TMEM154: variants seen among roughly 807,000 people sequenced by gnomAD.
The protein encoded by TMEM154 is transmembrane protein 154.
Under a neutral mutation model 24.5 loss-of-function variants are expected in TMEM154, and 27 were observed. The ratio of observed to expected loss-of-function variants is 1.10; its 90% CI spans 0.81 to 1.52. The LOEUF (loss-of-function observed/expected upper bound fraction) is 1.52, where lower values mean the gene tolerates loss of function less well. TMEM154 is among the 40% of genes most tolerant of loss of function. The pLI, the probability that TMEM154 is intolerant of heterozygous loss-of-function variation, is 0.00. For missense variants in TMEM154, 228 were observed against 213.4 expected (o/e 1.07, Z -0.43); for synonymous variants, 67 against 76.8 (o/e 0.87, Z 0.67).
intron 4 of TMEM154, among the ~76,000 whole-genome samples, chr4:152,644,161 G>T (rs1222368727): frequency 1.3e-5 from 2 of 152,180 alleles, no homozygotes; most frequent in African/African-American, 2.4e-5. Context: ...TAGCAGTCAG[G>T]ATTCTTTTCT....
At chr4:152,673,368 T>C (rs749420849) in intron 1 of TMEM154, among the ~76,000 whole-genome samples, 3 of 152,162 alleles carry the variant, frequency 2.0e-5, no homozygotes, top group Non-Finnish European at 4.4e-5. Flanking sequence ...TGGCACAATC[T>C]CAGCTCACTG....
At chr4:152,653,004 A>T in intron 1 of TMEM154, 77 bp from the exon 2 acceptor site, 1 of 1,381,828 alleles carries the variant, frequency 7.2e-7, no homozygotes, top group Non-Finnish European at 9.7e-7. Flanking sequence ...TTTTTAAATT[A>T]TTCCTAGATA....
At chr4:152,667,743 T>C (rs1219262235) in intron 1 of TMEM154, among the ~76,000 whole-genome samples, 1 of 152,242 alleles carries the variant, frequency 6.6e-6, no homozygotes, top group Non-Finnish European at 1.5e-5. Flanking sequence ...CTGTGTTTTG[T>C]ACACTTTTTC....
chr4:152,662,596 C>T (rs1728633786), intron 1 of TMEM154, among the ~76,000 whole-genome samples: 1 of 115,040 alleles, frequency 8.7e-6, no homozygotes, highest in East Asian at 2.2e-4. Flanking sequence ...CGGAGGGCAG[C>T]TCAAGGGATT....
At chr4:152,654,190 G>A (rs112156711) in intron 1 of TMEM154, among the ~76,000 whole-genome samples, 6 of 152,274 alleles carry the variant, frequency 3.9e-5, no homozygotes, top group African/African-American at 9.6e-5. Context: ...TCCTAATATC[G>A]TATAATGTTG....
intron 5 of TMEM154, among the ~76,000 whole-genome samples, chr4:152,641,661 CTTTTT>C (rs5863014): frequency 3.9e-5 from 5 of 126,932 alleles, no homozygotes; most frequent in African/African-American, 1.5e-4. Flanking sequence ...TTTCTTCTAC[CTTTTT>C]TTTTTTTTTT....
chr4:152,649,155 C>T (rs1297182417), intron 3 of TMEM154, among the ~76,000 whole-genome samples: 1 of 152,226 alleles, frequency 6.6e-6, no homozygotes, highest in African/African-American at 2.4e-5. Flanking sequence ...AAGGGCATGG[C>T]CCCAAAGCCA....
At chr4:152,642,514 A>G (rs959265360) in intron 5 of TMEM154, among the ~76,000 whole-genome samples, 2 of 152,242 alleles carry the variant, frequency 1.3e-5, no homozygotes, top group Non-Finnish European at 2.9e-5. Flanking sequence ...TATATGGGGT[A>G]TGTATATCAC....
chr4:152,637,444 C>T (rs953183871), intron 6 of TMEM154, among the ~76,000 whole-genome samples: 2 of 152,082 alleles, frequency 1.3e-5, no homozygotes, highest in Non-Finnish European at 1.5e-5. Flanking sequence ...ACTTGGGAGG[C>T]TGAGGCAGGA....
intron 5 of TMEM154, 94 bp from the exon 6 acceptor site, chr4:152,641,079 C>A: frequency 2.4e-6 from 3 of 1,236,594 alleles, no homozygotes; most frequent in Non-Finnish European, 3.4e-6. Context: ...GTTCTCTGAT[C>A]TGCGTGGTTA....
chr4:152,646,761 G>T (rs980815580), intron 3 of TMEM154: 13 of 580,078 alleles, frequency 2.2e-5, no homozygotes, highest in Non-Finnish European at 3.7e-5. Flanking sequence ...GGGGTTGTCT[G>T]GTGGAGGCTA....
chr4:152,633,900 C>G (rs962872447), intron 6 of TMEM154, among the ~76,000 whole-genome samples: 1 of 151,804 alleles, frequency 6.6e-6, no homozygotes, highest in African/African-American at 2.4e-5. Flanking sequence ...TACTTTTGCA[C>G]CAACCTTATA....
rs1462414331 is a variant in TMEM154 at position 152,627,192 on chromosome 4, G to C, written c.*1354C>G. On this transcript the variant is annotated 3_prime_UTR_variant, in exon 7 of 7. Coordinates refer to ENST00000304385, the MANE Select transcript of TMEM154 (RefSeq NM_152680.3). Reference sequence around the variant, plus strand: ...GTTAAAGGGATCCCAAAAGGTAGGAGACAAGTAGTTTTTGTTATGCATTAG... The same window carrying C: ...GTTAAAGGGATCCCAAAAGGTAGGACACAAGTAGTTTTTGTTATGCATTAG... The C allele has an allele frequency of 6.6e-6, 1 of 152,214 alleles. No homozygotes were observed. Among genetic ancestry groups the C allele is most frequent in the African/African-American group, 2.4e-5 (1 of 41,458 alleles). The allele number at this position is 152,214 out of a possible 1,614,324, so 9.4% of individuals were successfully genotyped here. A position where few individuals can be genotyped will look rare whatever the true frequency, so the allele number is the denominator to read the frequency against.
At chr4:152,636,185 C>T (rs563948772) in intron 6 of TMEM154, among the ~76,000 whole-genome samples, 1 of 152,244 alleles carries the variant, frequency 6.6e-6, no homozygotes, top group South Asian at 2.1e-4. Flanking sequence ...GTGTTTTCTA[C>T]ACAGAAGTTA....
Position 152,627,218 on chromosome 4 carries a change from G to C in TMEM154, c.*1328C>G, listed in dbSNP as rs1751936065. 3.3e-5 allele frequency: 5 copies of C among 152,260 alleles called. No individual in the cohort carries two copies. The South Asian group carries it at 1.0e-3, about 32-fold the overall frequency. 9.4% of individuals were successfully genotyped at this position (152,260 alleles called of 1,614,324 possible). A position where few individuals can be genotyped will look rare whatever the true frequency, so the allele number is the denominator to read the frequency against. The stretch of plus-strand genomic sequence containing the variant: ...ACAAGTAGTTTTTGTTATGCATTAG[G>C]GCAGACTTTCAAGCACAAGACACAA... On this transcript the variant is annotated 3_prime_UTR_variant, in exon 7 of 7. Coordinates refer to ENST00000304385, the MANE Select transcript of TMEM154 (RefSeq NM_152680.3).
chr4:152,628,934 T>A (rs558120448), intron 6 of TMEM154, among the ~76,000 whole-genome samples: 2 of 151,916 alleles, frequency 1.3e-5, no homozygotes, highest in African/African-American at 4.8e-5. Flanking sequence ...TGTGAGCCAC[T>A]GCACCCGGCC....
rs1332754155 is a variant in TMEM154 at position 152,667,258 on chromosome 4, C to T, written c.64+12612G>A. The stretch of plus-strand genomic sequence containing the variant: ...GATCTCCTCCTTCCCCTAACAACTT[C>T]CTTTCTGTCATACATACACGGTGTA... On this transcript the variant is annotated intron_variant, in intron 1 of 6. Transcript: ENST00000304385. 4.6e-5 allele frequency among the ~76,000 whole-genome samples: 7 copies of T among 152,308 alleles called. No homozygotes were observed. The East Asian group carries it at 1.3e-3, about 29-fold the overall frequency.
At chr4:152,638,778 G>T (rs1297026496) in intron 6 of TMEM154, among the ~76,000 whole-genome samples, 3 of 152,148 alleles carry the variant, frequency 2.0e-5, no homozygotes, top group Non-Finnish European at 4.4e-5. Flanking sequence ...GCCATTCTTG[G>T]TTCTCGAATG....
Position 152,627,303 on chromosome 4 carries a change from A to G in TMEM154, c.*1243T>C, listed in dbSNP as rs1318907342. 1 of 152,238 alleles carries G rather than the reference A, an allele frequency of 6.6e-6. No individual in the cohort carries two copies. Among genetic ancestry groups the G allele is most frequent in the Admixed American group, 6.5e-5 (1 of 15,288 alleles). 9.4% of individuals were successfully genotyped at this position (152,238 alleles called of 1,614,324 possible). A position where few individuals can be genotyped will look rare whatever the true frequency, so the allele number is the denominator to read the frequency against. The stretch of plus-strand genomic sequence containing the variant: ...CCTTCGGTTTATATGTGGGTAGTAA[A>G]ATAAATAAAATTTTCCTTCTTTGTC... On this transcript the variant is annotated 3_prime_UTR_variant, in exon 7 of 7. Coordinates refer to ENST00000304385, the MANE Select transcript of TMEM154 (RefSeq NM_152680.3).
Sources: gnomAD v4.1 joint callset for allele counts (sites outside exome capture counted in the v4.1 genomes callset) on GRCh38, gnomAD v4.1.1 for gene constraint, MANE v1.5 for transcripts, NCBI Gene and HGNC (gene_info 2026-07-23, HGNC 2026-07-21) for gene names.